IL33: variants seen among roughly 807,000 people sequenced by gnomAD.
IL33 encodes the protein interleukin-33.
A neutral mutation model predicts 27.3 loss-of-function variants in IL33; 37 were observed. That is an observed-to-expected ratio of 1.36 (90% confidence interval 1.04 to 1.78). IL33 has a LOEUF of 1.78. IL33 is among the 40% of genes most tolerant of loss of function. IL33 has a pLI of 0.00. For synonymous variants in IL33, 132 were observed against 102.9 expected (o/e 1.28, Z -1.71); for missense variants, 406 against 311.4 (o/e 1.30, Z -2.29).
intron 1 of IL33, among the ~76,000 whole-genome samples, chr9:6,240,003 T>C (rs901445980): frequency 6.6e-6 from 1 of 152,222 alleles, no homozygotes; most frequent in African/African-American, 2.4e-5. Context: ...TGTGTCTCCT[T>C]TCCCCTACAG....
chr9:6,231,707 A>G (rs1004254080), intron 1 of IL33, among the ~76,000 whole-genome samples: 1 of 152,164 alleles, frequency 6.6e-6, no homozygotes, highest in African/African-American at 2.4e-5. Context: ...TAGAAGTAGT[A>G]TTTTATTTAT....
intron 1 of IL33, among the ~76,000 whole-genome samples, chr9:6,221,393 A>G (rs1019288690): frequency 6.6e-6 from 1 of 152,230 alleles, no homozygotes; most frequent in Non-Finnish European, 1.5e-5. Context: ...AGGACCTGAC[A>G]GGTAATGCTT....
intron 1 of IL33, among the ~76,000 whole-genome samples, chr9:6,218,899 CATAT>C (rs200982905): frequency 0.063 from 1,424 of 22,634 alleles, 205 homozygotes; most frequent in East Asian, 0.13. Context: ...ATATGTTCTC[CATAT>C]ATATATATAT....
upstream of IL33, among the ~76,000 whole-genome samples, chr9:6,215,428 GA>G (rs1364614685): frequency 6.6e-6 from 1 of 152,152 alleles, no homozygotes; most frequent in Admixed American, 6.5e-5. Context: ...TATTATAAAG[GA>G]ATTTGGAAGA....
intron 1 of IL33, among the ~76,000 whole-genome samples, chr9:6,224,977 T>C (rs10815378): frequency 0.34 from 51,825 of 151,620 alleles, 10,318 homozygotes; most frequent in African/African-American, 0.55. Flanking sequence ...CTTTCCCCTG[T>C]GTATTTCTCA....
chr9:6,222,039 C>T (rs920808816), intron 1 of IL33, among the ~76,000 whole-genome samples: 4 of 152,146 alleles, frequency 2.6e-5, no homozygotes, highest in Non-Finnish European at 5.9e-5. Flanking sequence ...AAGTGAAAAG[C>T]TTGTCATACC....
chr9:6,225,924 C>T (rs896140884), intron 1 of IL33, among the ~76,000 whole-genome samples: 2 of 152,106 alleles, frequency 1.3e-5, no homozygotes, highest in African/African-American at 4.8e-5. Flanking sequence ...GATGAAGGCT[C>T]ATTATGATGC....
At chr9:6,238,936 C>A (rs761409596) in intron 1 of IL33, among the ~76,000 whole-genome samples, 1 of 152,082 alleles carries the variant, frequency 6.6e-6, no homozygotes, top group Non-Finnish European at 1.5e-5. Flanking sequence ...TTTTTCAGTA[C>A]GATACAGTGA....
At chr9:6,229,041 C>T (rs1283308050) in intron 1 of IL33, among the ~76,000 whole-genome samples, 2 of 151,940 alleles carry the variant, frequency 1.3e-5, no homozygotes. Context: ...GAGGATGGTA[C>T]CCTTTGTGTG....
intron 2 of IL33, among the ~76,000 whole-genome samples, chr9:6,244,424 T>C (rs528843886): frequency 1.3e-5 from 2 of 152,310 alleles, no homozygotes; most frequent in South Asian, 4.1e-4. Flanking sequence ...ATATATACTA[T>C]GTTTTTTCCT....
chr9:6,216,803 G>C (rs1474201865), intron 1 of IL33, among the ~76,000 whole-genome samples: 2 of 152,122 alleles, frequency 1.3e-5, no homozygotes, highest in East Asian at 1.9e-4. Context: ...GAGGATTAGA[G>C]ATGCACTAAA....
At chr9:6,247,715 C>A (rs149502298) in intron 2 of IL33, among the ~76,000 whole-genome samples, 52 of 152,230 alleles carry the variant, frequency 3.4e-4, no homozygotes, top group African/African-American at 1.3e-3. Context: ...GCAAAGTCCA[C>A]ATGTCCAGGC....
At chr9:6,255,339 C>T (rs967757417) in intron 7 of IL33, among the ~76,000 whole-genome samples, 2 of 152,022 alleles carry the variant, frequency 1.3e-5, no homozygotes, top group Admixed American at 6.6e-5. Flanking sequence ...TCTTCCTAAG[C>T]AAAACATTCC....
intron 1 of IL33, among the ~76,000 whole-genome samples, chr9:6,235,482 A>G (rs906048703): frequency 6.6e-6 from 1 of 152,246 alleles, no homozygotes; most frequent in African/African-American, 2.4e-5. Flanking sequence ...TTGAAGCAGA[A>G]CACAAAACCA....
intron 1 of IL33, among the ~76,000 whole-genome samples, chr9:6,233,438 C>T (rs891271266): frequency 1.3e-5 from 2 of 152,136 alleles, no homozygotes; most frequent in African/African-American, 4.8e-5. Context: ...TGTTCTTTCC[C>T]CCTCTCTTCT....
chr9:6,248,647 T>C (rs1320589921), intron 2 of IL33, among the ~76,000 whole-genome samples: 1 of 152,010 alleles, frequency 6.6e-6, no homozygotes, highest in Non-Finnish European at 1.5e-5. Flanking sequence ...TGATTATAGC[T>C]CACTACAGCC....
chr9:6,257,794 T>C lies in IL33; in HGVS notation c.*1626T>C, dbSNP rs1816824564. ...ATTACAACTGTAAAACAATTTATCT[T>C]TGTTTCATTGTTCTGTCAATAATTG... On this transcript the variant is annotated 3_prime_UTR_variant, in exon 8 of 8. Coordinates refer to ENST00000682010, the MANE Select transcript of IL33 (RefSeq NM_033439.4). The C allele has an allele frequency of 3.9e-5, 6 of 152,290 alleles. No individual in the cohort carries two copies. In the South Asian group the frequency reaches 1.2e-3, roughly 32 times the overall value. The allele number at this position is 152,290 out of a possible 1,614,324, so 9.4% of individuals were successfully genotyped here.
intron 2 of IL33, among the ~76,000 whole-genome samples, chr9:6,246,063 C>CAAA (rs71328183): frequency 1.2e-4 from 6 of 49,602 alleles, no homozygotes; most frequent in African/African-American, 3.3e-4. Flanking sequence ...ACTCTGTCTC[C>CAAA]AAAAAAAAAA....
intron 1 of IL33, among the ~76,000 whole-genome samples, chr9:6,222,104 C>T (rs893024479): frequency 6.6e-6 from 1 of 152,182 alleles, no homozygotes; most frequent in African/African-American, 2.4e-5. Context: ...CCGCACAAGG[C>T]AGTTCTGTTA....
Sources: gnomAD v4.1 joint callset for allele counts (sites outside exome capture counted in the v4.1 genomes callset) on GRCh38, gnomAD v4.1.1 for gene constraint, MANE v1.5 for transcripts, NCBI Gene and HGNC (gene_info 2026-07-23, HGNC 2026-07-21) for gene names.